Variants in RORA observed in about 807,000 individuals in gnomAD.
RORA encodes the protein nuclear receptor ROR-alpha.
Under a neutral mutation model 69.5 loss-of-function variants are expected in RORA, and 7 were observed. The observed-to-expected ratio is 0.10, with a 90% CI of 0.06 to 0.19. RORA has a LOEUF of 0.19. RORA is among the 10% of genes least tolerant of loss of function. The pLI, the probability that RORA is intolerant of heterozygous loss-of-function variation, is 1.00. For synonymous variants in RORA, 261 were observed against 240.8 expected (o/e 1.08, Z -0.78); for missense variants, 457 against 663.0 (o/e 0.69, Z 3.41).
At chr15:60,760,088 G>GT (rs960461859) in intron 1 of RORA, among the ~76,000 whole-genome samples, 2 of 151,294 alleles carry the variant, frequency 1.3e-5, no homozygotes, top group African/African-American at 2.4e-5. Context: ...TTGTATGTGT[G>GT]TTTTTTTAAA....
At chr15:61,159,540 CT>C (rs1024433609) in intron 1 of RORA, among the ~76,000 whole-genome samples, 1 of 152,128 alleles carries the variant, frequency 6.6e-6, no homozygotes, top group Non-Finnish European at 1.5e-5. Flanking sequence ...AGATGCTGAT[CT>C]TTTTTTATAA....
intron 2 of RORA, among the ~76,000 whole-genome samples, chr15:60,674,942 T>C (rs1348680390): frequency 6.6e-6 from 1 of 152,090 alleles, no homozygotes; most frequent in African/African-American, 2.4e-5. Flanking sequence ...GAAGCAGCAA[T>C]GGTCTGATGC....
intron 2 of RORA, among the ~76,000 whole-genome samples, chr15:60,659,996 C>G (rs534763561): frequency 6.6e-6 from 1 of 152,158 alleles, no homozygotes; most frequent in Non-Finnish European, 1.5e-5. Context: ...CAGTATTATG[C>G]CTGACAATAT....
intron 1 of RORA, among the ~76,000 whole-genome samples, chr15:60,700,630 C>T (rs982485676): frequency 1.3e-5 from 2 of 150,758 alleles, no homozygotes; most frequent in East Asian, 1.9e-4. Context: ...GTTTCCCCAA[C>T]AAAATGCTGT....
chr15:61,113,817 G>A (rs937880028), intron 1 of RORA, among the ~76,000 whole-genome samples: 2 of 152,218 alleles, frequency 1.3e-5, no homozygotes, highest in Non-Finnish European at 2.9e-5. Context: ...CTTTTAAGAT[G>A]TCAAGTGCCA....
At position 60,928,480 on chromosome 15, in the gene RORA, T is replaced by C. The variant is rs531558061; in HGVS notation, c.167-249794A>G. ...GTATGCCTGCCTTCCCCTTGGAACC[T>C]AATACATGGTAGGACCTCAGTAAAC... On this transcript the variant is annotated intron_variant, in intron 1 of 10. Transcript: ENST00000335670. Among the ~76,000 whole-genome samples, 11 of 152,280 alleles carry C rather than the reference T, an allele frequency of 7.2e-5. No homozygotes were observed. The South Asian group carries it at 2.3e-3, about 32-fold the overall frequency.
At chr15:61,096,164 G>T (rs912919503) in intron 1 of RORA, among the ~76,000 whole-genome samples, 1 of 152,164 alleles carries the variant, frequency 6.6e-6, no homozygotes, top group Non-Finnish European at 1.5e-5. Flanking sequence ...ACCCACATTG[G>T]GGGAGTGTGA....
At chr15:61,225,482 C>A (rs1301037064) in intron 1 of RORA, among the ~76,000 whole-genome samples, 4 of 152,218 alleles carry the variant, frequency 2.6e-5, no homozygotes, top group African/African-American at 9.6e-5. Flanking sequence ...CAGGGCTACA[C>A]ATAAACTACA....
intron 1 of RORA, among the ~76,000 whole-genome samples, chr15:61,143,082 C>T (rs1363111743): frequency 6.6e-6 from 1 of 151,860 alleles, no homozygotes; most frequent in Non-Finnish European, 1.5e-5. Context: ...CATATATGTA[C>T]CTAGAACGCC....
At chr15:60,978,878 T>C (rs1893949848) in intron 1 of RORA, among the ~76,000 whole-genome samples, 1 of 151,866 alleles carries the variant, frequency 6.6e-6, no homozygotes. Flanking sequence ...ATGTCTATCC[T>C]TATATCAGCA....
rs571899872 is a variant in RORA at position 60,859,585 on chromosome 15, C to G, written c.167-180899G>C. On this transcript the variant is annotated intron_variant, in intron 1 of 10. Transcript: ENST00000335670. ...TTCGTGGGACTGCCCAAGAGATTGT[C>G]CCATCTCAGCCTGGTGAGACTATAG... 4.1e-4 allele frequency among the ~76,000 whole-genome samples: 62 copies of G among 150,426 alleles called. 1 individual carries two copies. In the South Asian group the frequency reaches 0.012, roughly 30 times the overall value.
chr15:60,658,745 CTG>C (rs1404364074), intron 2 of RORA, among the ~76,000 whole-genome samples: 3 of 152,234 alleles, frequency 2.0e-5, no homozygotes, highest in Non-Finnish European at 2.9e-5. Context: ...ACAGGTAAGT[CTG>C]TGCTTAAAGA....
intron 1 of RORA, among the ~76,000 whole-genome samples, chr15:60,868,008 G>A (rs1214494920): frequency 1.3e-5 from 2 of 152,080 alleles, no homozygotes; most frequent in African/African-American, 2.4e-5. Context: ...TTTTGCCATT[G>A]TTATATATCA....
chr15:60,645,566 A>AT (rs1250095981), intron 2 of RORA, among the ~76,000 whole-genome samples: 3 of 151,124 alleles, frequency 2.0e-5, no homozygotes, highest in South Asian at 2.1e-4. Flanking sequence ...TAATTTTTGT[A>AT]TTTTTTTGTA....
chr15:60,709,458 C>T (rs577602819), intron 1 of RORA, among the ~76,000 whole-genome samples: 5 of 152,132 alleles, frequency 3.3e-5, no homozygotes, highest in African/African-American at 1.2e-4. Context: ...GGGTCCTTAA[C>T]CCCTGGTACT....
At chr15:60,913,970 G>T (rs1467723584) in intron 1 of RORA, among the ~76,000 whole-genome samples, 3 of 152,116 alleles carry the variant, frequency 2.0e-5, no homozygotes, top group Non-Finnish European at 4.4e-5. Context: ...TTCTGTTAAT[G>T]TCTGTCTCCC....
intron 1 of RORA, among the ~76,000 whole-genome samples, chr15:60,776,584 C>G (rs762749356): frequency 1.3e-5 from 2 of 152,194 alleles, no homozygotes; most frequent in Non-Finnish European, 2.9e-5. Context: ...CTGAGATAGG[C>G]ACAGCAGAGC....
At chr15:60,671,271 G>A (rs114104891) in intron 2 of RORA, among the ~76,000 whole-genome samples, 397 of 151,962 alleles carry the variant, frequency 2.6e-3, no homozygotes, top group African/African-American at 9.2e-3. Context: ...ATTAATGTCC[G>A]TTAAAGGCTT....
intron 1 of RORA, among the ~76,000 whole-genome samples, chr15:60,811,540 T>C (rs1350685867): frequency 1.3e-5 from 2 of 152,230 alleles, no homozygotes; most frequent in African/African-American, 4.8e-5. Context: ...CACATGTGTA[T>C]TTAATCTGCT....
Sources: gnomAD v4.1 joint callset for allele counts (sites outside exome capture counted in the v4.1 genomes callset) on GRCh38, gnomAD v4.1.1 for gene constraint, MANE v1.5 for transcripts, NCBI Gene and HGNC (gene_info 2026-07-23, HGNC 2026-07-21) for gene names.